DENND1C: variants seen among roughly 807,000 people sequenced by gnomAD.
The protein encoded by DENND1C is DENN domain containing 1C.
Under a neutral mutation model 87.9 loss-of-function variants are expected in DENND1C, and 64 were observed. That is an observed-to-expected ratio of 0.73 (90% CI 0.60 to 0.90). The LOEUF is 0.90. Among genes scored for constraint, DENND1C ranks in the 40% least tolerant of loss-of-function variants. The pLI, the probability that DENND1C is intolerant of heterozygous loss-of-function variation, is 0.00. For synonymous variants in DENND1C, 384 were observed against 424.4 expected (o/e 0.90, Z 1.17); for missense variants, 980 against 1,037.0 (o/e 0.95, Z 0.76).
At chr19:6,474,117 C>T (rs566864428) in intron 14 of DENND1C, among the ~76,000 whole-genome samples, 2 of 151,866 alleles carry the variant, frequency 1.3e-5, no homozygotes, top group Non-Finnish European at 2.9e-5. Flanking sequence ...ATTGCTTGAA[C>T]CCAGGAGGTG....
Position 6,475,487 on chromosome 19 carries a change from G to C in DENND1C, c.924C>G (p.Asp308Glu). 6.2e-7 allele frequency: 1 copy of C among 1,613,882 alleles called. No individual in the cohort carries two copies. Among genetic ancestry groups the C allele is most frequent in the East Asian group, 2.2e-5 (1 of 44,880 alleles). Residue 308 changes from aspartate to glutamate, a missense_variant, in exon 13 of 23, where the codon GAC (aspartate) becomes GAG (glutamate). By Grantham distance (45) the Asp-to-Glu change is conservative. Transcript: ENST00000381480. ...TFNDVQALPP[D>E]VVSLLRLRLR... ...AGGTGGGAGGGGCGACACTGACCAC[G>C]TCTGGAGGCAGCGCCTGCACGTCGT...
chr19:6,468,432 T>TG lies in DENND1C; in HGVS notation c.1592dup (p.Leu532ThrfsTer4). 1 of 1,612,472 alleles carries TG rather than the reference T, an allele frequency of 6.2e-7. No individual in the cohort carries two copies. Among genetic ancestry groups the TG allele is most frequent in the East Asian group, 2.2e-5 (1 of 44,844 alleles). On this transcript the variant is annotated frameshift_variant, in exon 22 of 23. Transcript: ENST00000381480. LOFTEE classifies it high-confidence loss of function. ...GGCACCCCTCATCCTCAGGGCTCAG[T>TG]GGGGGTGTCCTGGGTGAGGATGGGC...
chr19:6,477,568 A>G (rs1599389015), intron 6 of DENND1C, 110 bp from the exon 7 acceptor site: 1 of 525,840 alleles, frequency 1.9e-6, no homozygotes, highest in Middle Eastern at 4.2e-4. Flanking sequence ...GGCTCAGGTC[A>G]GTCCTGGGAG....
At chr19:6,473,257 C>T (rs1055550224) in intron 14 of DENND1C, among the ~76,000 whole-genome samples, 11 of 152,046 alleles carry the variant, frequency 7.2e-5, no homozygotes, top group African/African-American at 1.4e-4. Flanking sequence ...AGGGTTCAAG[C>T]GATTCTCCTG....
Position 6,475,543 on chromosome 19 carries a change from C to T in DENND1C, c.868G>A (p.Val290Met). The T allele has an allele frequency of 6.2e-7, 1 of 1,613,978 alleles. No individual in the cohort carries two copies. Among genetic ancestry groups the T allele is most frequent in the Non-Finnish European group, 8.5e-7 (1 of 1,179,884 alleles). The change falls in exon 13 of 23, where the codon GTG (valine) becomes ATG (methionine). Residue 290 changes from valine to methionine, a missense_variant. Transcript: ENST00000381480. Reference sequence around the variant, plus strand: ...GTCGTCTCCAAGGTATTGGCGTCCACGTTCAGCACCACGACGTCCTCCAGG... The same window carrying T: ...GTCGTCTCCAAGGTATTGGCGTCCATGTTCAGCACCACGACGTCCTCCAGG... Reference protein sequence around the residue: ...KALEDVVVLNVDANTLETTFN... With the variant: ...KALEDVVVLNMDANTLETTFN...
Position 6,467,981 on chromosome 19 carries a change from T to A in DENND1C, c.1929A>T (p.Ile643=), listed in dbSNP as rs1470960421. 1 of 1,613,680 alleles carries A rather than the reference T, an allele frequency of 6.2e-7. No homozygotes were observed. Among genetic ancestry groups the A allele is most frequent in the African/African-American group, 1.3e-5 (1 of 74,876 alleles). The change falls in exon 23 of 23, where the codon ATA becomes ATT. Residue 643 remains isoleucine, a synonymous_variant. Transcript: ENST00000381480. ...TGACTTCTTGGTCGGACTCTGAGGG[T>A]ATCAGCTGGGACCTGGAGTCCTTTG... ...SSSKDSRSQL[I]PSESDQEVTS... is the part of the protein sequence containing the mutation.
At chr19:6,479,367 AG>A (rs2092884416) in intron 4 of DENND1C, among the ~76,000 whole-genome samples, 3 of 137,074 alleles carry the variant, frequency 2.2e-5, no homozygotes, top group African/African-American at 9.6e-5. Context: ...TGAGTTTCTG[AG>A]TCTCTGGGTT....
chr19:6,478,008 G>A (rs1027476109), intron 6 of DENND1C, among the ~76,000 whole-genome samples: 1 of 151,908 alleles, frequency 6.6e-6, no homozygotes, highest in Non-Finnish European at 1.5e-5. Context: ...CCGGAATGCG[G>A]AGGTTGCAGT....
intron 6 of DENND1C, among the ~76,000 whole-genome samples, chr19:6,477,740 CGCCCGGCTTT>C (rs1210961298): frequency 6.8e-6 from 1 of 146,776 alleles, no homozygotes; most frequent in Admixed American, 6.7e-5. Flanking sequence ...TGAGCCACCG[CGCCCGGCTTT>C]TTAAATTTTT....
intron 17 of DENND1C, among the ~76,000 whole-genome samples, chr19:6,470,866 C>T (rs1030634551): frequency 3.3e-5 from 5 of 152,008 alleles, no homozygotes; most frequent in Non-Finnish European, 5.9e-5. Context: ...GTGATCCGCC[C>T]GCCTCAGCCT....
chr19:6,468,930 C>A lies in DENND1C; in HGVS notation c.1431G>T (p.Arg477Ser). Residue 477 changes from arginine (R) to serine (S), a missense_variant, in exon 20 of 23, where the codon AGG becomes AGT. Arg to Ser is a moderately radical substitution (Grantham distance 110). Transcript: ENST00000381480. ...GGGCTGGGGCCCTCAGAGAGCCCCCCCTCTGCAGGACAGAGTCCCCATCCT... is the reference window on the plus strand; with the variant it reads ...GGGCTGGGGCCCTCAGAGAGCCCCCACTCTGCAGGACAGAGTCCCCATCCT... ...MYKDGDSVLQ[R>S]GGSLRAPALP... is the part of the protein sequence containing the mutation. 6.8e-7 allele frequency: 1 copy of A among 1,466,040 alleles called. No homozygotes were observed. The highest frequency in any genetic ancestry group is 1.6e-5 in the South Asian group (1 of 64,512). 90.8% of individuals were successfully genotyped at this position (1,466,040 alleles called of 1,614,324 possible). A position where few individuals can be genotyped will look rare whatever the true frequency, so the allele number is the denominator to read the frequency against.
Position 6,475,949 on chromosome 19 carries a change from T to C in DENND1C, c.679-12A>G, listed in dbSNP as rs761074587. The C allele has an allele frequency of 2.6e-6, 4 of 1,545,290 alleles. No individual in the cohort carries two copies. In the South Asian group the frequency reaches 3.6e-5, roughly 14 times the overall value. ...ACGCACGAGGTCAGCTGGGGAGCGATGGCGGGGCGTGGAGTCAGGGCCTGG... is the reference window on the plus strand; with the variant it reads ...ACGCACGAGGTCAGCTGGGGAGCGACGGCGGGGCGTGGAGTCAGGGCCTGG... On this transcript the variant is annotated splice_polypyrimidine_tract_variant and intron_variant, in intron 10 of 22. Transcript: ENST00000381480.
Position 6,468,573 on chromosome 19 carries a change from C to G in DENND1C, c.1583+5G>C, listed in dbSNP as rs755212367. On this transcript the variant is annotated splice_donor_5th_base_variant and intron_variant, in intron 21 of 22. Coordinates refer to ENST00000381480, the MANE Select transcript of DENND1C (RefSeq NM_024898.4). ...TTCAACACTGCTGTTCCCTTTTTGCCTTACCCCGCCCCTGGGGGCTCGGAA... is the reference window on the plus strand; with the variant it reads ...TTCAACACTGCTGTTCCCTTTTTGCGTTACCCCGCCCCTGGGGGCTCGGAA... 6.5e-7 allele frequency: 1 copy of G among 1,541,624 alleles called. No homozygotes were observed. The highest frequency in any genetic ancestry group is 8.7e-7 in the Non-Finnish European group (1 of 1,144,792).
intron 4 of DENND1C, 62 bp downstream of exon 4, chr19:6,479,607 G>A (rs1271409898): frequency 6.2e-7 from 1 of 1,610,178 alleles, no homozygotes. Flanking sequence ...TAGGTGTTGA[G>A]TCCTTGGGGC....
Position 6,468,082 on chromosome 19 carries a change from G to GT in DENND1C, c.1827dup (p.Leu610ThrfsTer82). ...AGGGGCTGGGGCTCCGGCTCTGGTA[G>GT]TTTCTTATCGTCTGGTTGCCATCTT... On this transcript the variant is annotated frameshift_variant, in exon 23 of 23. Coordinates refer to ENST00000381480, the MANE Select transcript of DENND1C (RefSeq NM_024898.4). LOFTEE classifies it low-confidence loss of function (END_TRUNC). 1 of 1,613,806 alleles carries GT rather than the reference G, an allele frequency of 6.2e-7. No individual in the cohort carries two copies. The highest frequency in any genetic ancestry group is 8.5e-7 in the Non-Finnish European group (1 of 1,179,826).
In DENND1C at chr19:6,469,861, G is replaced by T. The variant is rs576504325; in HGVS notation, c.1363-221C>A. 346 of 569,356 alleles carry T rather than the reference G, an allele frequency of 6.1e-4. 5 individuals carry two copies. The South Asian group carries it at 7.1e-3, about 12-fold the overall frequency. The allele number at this position is 569,356 out of a possible 1,614,324, so 35.3% of individuals were successfully genotyped here. On this transcript the variant is annotated intron_variant, in intron 18 of 22. Transcript: ENST00000381480. The stretch of plus-strand genomic sequence containing the variant: ...GAGGCAGTCATCCCCAAAGAAAATG[G>T]GGAGTGGCAAAGCAACAGGGCAAGG...
intron 4 of DENND1C, 78 bp from the exon 5 acceptor site, chr19:6,479,134 T>G (rs2092881502): frequency 6.3e-7 from 1 of 1,586,656 alleles, no homozygotes. Context: ...ACAAAGCTCC[T>G]AGGACCCTGA....
In DENND1C at chr19:6,468,410, A is replaced by G; in HGVS notation, c.1615T>C (p.Cys539Arg). 6.2e-7 allele frequency: 1 copy of G among 1,613,536 alleles called. No homozygotes were observed. The highest frequency in any genetic ancestry group is 8.5e-7 in the Non-Finnish European group (1 of 1,179,734). Residue 539 changes from cysteine to arginine, a missense_variant, in exon 22 of 23, where the codon TGC becomes CGC. Coordinates refer to ENST00000381480, the MANE Select transcript of DENND1C (RefSeq NM_024898.4). ...TPPLSPEDEG[C>R]PWAEEALDSS... ...TCCAGAGCTTCTTCTGCCCACGGGC[A>G]CCCCTCATCCTCAGGGCTCAGTGGG...
At chr19:6,478,409 A>ATTTTTTT (rs36008668) in intron 6 of DENND1C, among the ~76,000 whole-genome samples, 2 of 136,134 alleles carry the variant, frequency 1.5e-5, no homozygotes, top group African/African-American at 2.7e-5. Flanking sequence ...CGGCCGGCTA[A>ATTTTTTT]TTTTTTTTTT....
Sources: gnomAD v4.1 joint callset for allele counts (sites outside exome capture counted in the v4.1 genomes callset) on GRCh38, gnomAD v4.1.1 for gene constraint, MANE v1.5 for transcripts, NCBI Gene and HGNC (gene_info 2026-07-23, HGNC 2026-07-21) for gene names.